TMEM233: variants seen among roughly 807,000 people sequenced by gnomAD.
TMEM233 encodes transmembrane protein 233, also known as dispanin subfamily B member 2.
In TMEM233, 6 loss-of-function variants were observed where a neutral mutation model predicts 11.2. That is an observed-to-expected ratio of 0.54 (90% CI 0.29 to 1.06). The LOEUF (loss-of-function observed/expected upper bound fraction) is 1.06. Ranked by LOEUF, TMEM233 falls within the 50% of genes least tolerant of loss-of-function variation. The probability of loss-of-function intolerance (pLI) is 0.08; values close to 1 mark genes in which losing one functional copy is unlikely to be tolerated. For missense variants in TMEM233, 127 were observed against 144.7 expected, an observed-to-expected ratio of 0.88 and a Z score of 0.63; for synonymous variants, 59 against 55.8, an observed-to-expected ratio of 1.06 and a Z score of -0.26.
the TMEM233 span, among the ~76,000 whole-genome samples, chr12:119,649,778 C>A: frequency 7.0e-6 from 1 of 142,186 alleles, no homozygotes; most frequent in Admixed American, 7.3e-5. Context: ...ACTGGCTCAG[C>A]GGGGCTTGTT....
At chr12:119,625,367 CT>C (rs538407821) in intron 1 of TMEM233, among the ~76,000 whole-genome samples, 40 of 145,612 alleles carry the variant, frequency 2.7e-4, no homozygotes, top group East Asian at 6.1e-4. Context: ...ATAACTTCTT[CT>C]TTTTTTTTTT....
At chr12:119,607,732 AG>A (rs1296974151) in intron 1 of TMEM233, among the ~76,000 whole-genome samples, 2 of 151,218 alleles carry the variant, frequency 1.3e-5, no homozygotes, top group Non-Finnish European at 2.9e-5. Flanking sequence ...CCCCATCCTC[AG>A]GCCCCCAAGT....
At chr12:119,638,292 T>C (rs1955006498) in intron 2 of TMEM233, among the ~76,000 whole-genome samples, 1 of 152,018 alleles carries the variant, frequency 6.6e-6, no homozygotes, top group Non-Finnish European at 1.5e-5. Context: ...AGATCTCATC[T>C]CTACTAAAAA....
intron 1 of TMEM233, among the ~76,000 whole-genome samples, chr12:119,623,553 CA>C (rs57936432): frequency 0.69 from 94,161 of 135,784 alleles, 32,602 homozygotes; most frequent in Middle Eastern, 0.78. Context: ...ACCAAAAATA[CA>C]AAAAAAAAAA....
chr12:119,651,953 G>A, the TMEM233 span, among the ~76,000 whole-genome samples: 1 of 151,462 alleles, frequency 6.6e-6, no homozygotes, highest in Admixed American at 6.6e-5. Flanking sequence ...TGAAAAGTTA[G>A]TCCACCTCAC....
At chr12:119,622,619 G>A (rs2136745985) in intron 1 of TMEM233, among the ~76,000 whole-genome samples, 1 of 152,240 alleles carries the variant, frequency 6.6e-6, no homozygotes, top group South Asian at 2.1e-4. Flanking sequence ...TGGGGAAGCA[G>A]GGAAAGAATT....
chr12:119,598,953 G>C (rs1030009614), intron 1 of TMEM233, among the ~76,000 whole-genome samples: 4 of 152,300 alleles, frequency 2.6e-5, no homozygotes, highest in Admixed American at 2.0e-4. Context: ...GATGGAAGAC[G>C]TGTCTGTTCT....
chr12:119,622,943 GA>G (rs1232569176), intron 1 of TMEM233, among the ~76,000 whole-genome samples: 1 of 152,176 alleles, frequency 6.6e-6, no homozygotes, highest in African/African-American at 2.4e-5. Flanking sequence ...TCCCTGGAAA[GA>G]AGGAGGGTCA....
the TMEM233 span, among the ~76,000 whole-genome samples, chr12:119,648,189 C>A: frequency 3.9e-5 from 6 of 152,188 alleles, no homozygotes; most frequent in Non-Finnish European, 7.3e-5. Context: ...GCTATTACAC[C>A]ACCCTGTTTT....
chr12:119,612,359 A>G (rs1593287473), intron 1 of TMEM233, among the ~76,000 whole-genome samples: 1 of 152,126 alleles, frequency 6.6e-6, no homozygotes, highest in East Asian at 1.9e-4. Flanking sequence ...TCACACCTGT[A>G]ATCCCAGCAC....
chr12:119,632,622 C>T (rs116290856), intron 2 of TMEM233, among the ~76,000 whole-genome samples: 1 of 152,098 alleles, frequency 6.6e-6, no homozygotes, highest in African/African-American at 2.4e-5. Context: ...GTGGTGGGGA[C>T]CATGGTAATT....
chr12:119,608,066 C>T (rs1783299284), intron 1 of TMEM233, among the ~76,000 whole-genome samples: 1 of 152,172 alleles, frequency 6.6e-6, no homozygotes, highest in African/African-American at 2.4e-5. Context: ...ACAGCTCCTG[C>T]CCCAAAGTTA....
chr12:119,605,409 CTTTTTTTTTTTTTTTT>C lies in TMEM233; in HGVS notation c.186+11396_186+11411del, dbSNP rs6144897. Among the ~76,000 whole-genome samples the C allele has an allele frequency of 1.0e-3, 98 of 93,642 alleles. 2 individuals carry two copies. Among genetic ancestry groups the C allele is most frequent in the African/African-American group, 3.4e-3 (91 of 26,864 alleles). The allele number at this position is 93,642 out of a possible 152,430, so 61.4% of individuals were successfully genotyped here. ...TTATAATCAGACAGCTATGCCTTTC[CTTTTTTTTTTTTTTTT>C]TTTTTTTTTTTTTTTTTTTTGAGAC... On this transcript the variant is annotated intron_variant, in intron 1 of 2. Coordinates refer to ENST00000426426, the MANE Select transcript of TMEM233 (RefSeq NM_001136534.3).
At chr12:119,618,222 C>T (rs1228668473) in intron 1 of TMEM233, among the ~76,000 whole-genome samples, 1 of 152,208 alleles carries the variant, frequency 6.6e-6, no homozygotes, top group Non-Finnish European at 1.5e-5. Context: ...GAACCTCCAC[C>T]TAGATTTCAG....
intron 2 of TMEM233, among the ~76,000 whole-genome samples, chr12:119,633,771 T>C (rs895895841): frequency 6.6e-6 from 1 of 152,326 alleles, no homozygotes; most frequent in South Asian, 2.1e-4. Flanking sequence ...TCCTTTGAAA[T>C]TAAATCTCCC....
chr12:119,593,837 C>T lies in TMEM233; in HGVS notation c.-12C>T. On this transcript the variant is annotated 5_prime_UTR_variant, in exon 1 of 3. Coordinates refer to ENST00000426426, the MANE Select transcript of TMEM233 (RefSeq NM_001136534.3). The surrounding 1 kb of genome is among the most constrained non-coding windows in gnomAD (Gnocchi z 4.1). ...GCGCTCCTCCGCCCTCCCGGCGCCG[C>T]CGGCCTCGCCCATGTCTCAGTACGC... 6.5e-7 allele frequency: 1 copy of T among 1,549,754 alleles called. No individual in the cohort carries two copies. The highest frequency in any genetic ancestry group is 8.7e-7 in the Non-Finnish European group (1 of 1,145,680).
downstream of TMEM233, among the ~76,000 whole-genome samples, chr12:119,643,496 C>T (rs1955112060): frequency 6.6e-6 from 1 of 152,050 alleles, no homozygotes; most frequent in African/African-American, 2.4e-5. Flanking sequence ...TGGCCGGGCG[C>T]GGTGGCTCAC....
chr12:119,625,022 G>T (rs1428007085), intron 1 of TMEM233, among the ~76,000 whole-genome samples: 2 of 152,084 alleles, frequency 1.3e-5, no homozygotes, highest in Non-Finnish European at 2.9e-5. Context: ...TAGAATTCAG[G>T]AACTCACCTT....
At chr12:119,608,748 T>C (rs1365321636) in intron 1 of TMEM233, among the ~76,000 whole-genome samples, 1 of 152,198 alleles carries the variant, frequency 6.6e-6, no homozygotes, top group Non-Finnish European at 1.5e-5. Context: ...TTCCACAGCA[T>C]GTGGGAAACT....
Sources: gnomAD v4.1 joint callset for allele counts (sites outside exome capture counted in the v4.1 genomes callset) on GRCh38, gnomAD v4.1.1 for gene constraint, Gnocchi (gnomAD v3.1) non-coding constraint, MANE v1.5 for transcripts, NCBI Gene and HGNC (gene_info 2026-07-23, HGNC 2026-07-21) for gene names.